Variants in CCDC124 observed in about 807,000 individuals in gnomAD.
The protein encoded by CCDC124 is coiled-coil domain containing 124.
Under a neutral mutation model 19.8 loss-of-function variants are expected in CCDC124, and 9 were observed. The observed-to-expected ratio is 0.45, with a 90% CI of 0.27 to 0.79. The LOEUF (loss-of-function observed/expected upper bound fraction) is 0.79, where lower values mean the gene tolerates loss of function less well. Ranked by LOEUF, CCDC124 falls within the 30% of genes least tolerant of loss-of-function variation. The pLI, the probability that CCDC124 is intolerant of heterozygous loss-of-function variation, is 0.14. For missense variants in CCDC124, 285 were observed against 319.0 expected, an observed-to-expected ratio of 0.89 and a Z score of 0.81; for synonymous variants, 126 against 131.3, an observed-to-expected ratio of 0.96 and a Z score of 0.27.
At chr19:17,933,289 C>A (rs1335779676) in intron 1 of CCDC124, among the ~76,000 whole-genome samples, 1 of 152,216 alleles carries the variant, frequency 6.6e-6, no homozygotes, top group Admixed American at 6.5e-5. Context: ...TGCCCCTAGG[C>A]AGCTTCTGGT....
In CCDC124 at chr19:17,942,934, A is replaced by G; in HGVS notation, c.349+89A>G. 2.1e-6 allele frequency: 3 copies of G among 1,415,842 alleles called. No individual in the cohort carries two copies. The highest frequency in any genetic ancestry group is 2.8e-6 in the Non-Finnish European group (3 of 1,073,652). 87.7% of individuals were successfully genotyped at this position (1,415,842 alleles called of 1,614,324 possible). On this transcript the variant is annotated intron_variant, in intron 3 of 4. Transcript: ENST00000445755. This position sits in a 1 kb window ranked among gnomAD's most constrained non-coding sequence, Gnocchi z 4.2. ...CCATTAGCCCCCTCCTGGCCCCCAGAGAAGCTGCCGGGGCTCCACGTGGTG... is the reference window on the plus strand; with the variant it reads ...CCATTAGCCCCCTCCTGGCCCCCAGGGAAGCTGCCGGGGCTCCACGTGGTG...
Position 17,942,534 on chromosome 19 carries a change from G to GT in CCDC124, c.160-121dup, listed in dbSNP as rs2031206215. On this transcript the variant is annotated intron_variant, in intron 2 of 4. Transcript: ENST00000445755. The surrounding 1 kb of genome is among the most constrained non-coding windows in gnomAD (Gnocchi z 4.2). ...CCGGGACCTATCTTGTTCCTGGTAT[G>GT]TCCCCTGCACCCAGCACAGAGCCTA... 8.9e-7 allele frequency: 1 copy of GT among 1,123,386 alleles called. No homozygotes were observed. The highest frequency in any genetic ancestry group is 1.6e-5 in the South Asian group (1 of 63,044). 69.6% of individuals were successfully genotyped at this position (1,123,386 alleles called of 1,614,324 possible). A position where few individuals can be genotyped will look rare whatever the true frequency, so the allele number is the denominator to read the frequency against.
Position 17,936,448 on chromosome 19 carries a change from A to AC in CCDC124, c.30dup (p.Lys11GlnfsTer9). The AC allele has an allele frequency of 6.2e-7, 1 of 1,613,466 alleles. No individual in the cohort carries two copies. Among genetic ancestry groups the AC allele is most frequent in the South Asian group, 1.1e-5 (1 of 91,010 alleles). ...GCCCAAGAAGTTCCAGGGTGAGAAC[A>AC]CCAAGTCGGCAGCGGCCCGGGCACG... On this transcript the variant is annotated frameshift_variant, in exon 2 of 5. Transcript: ENST00000445755. LOFTEE classifies it high-confidence loss of function.
Position 17,943,819 on chromosome 19 carries a change from C to A in CCDC124, c.*104C>A. ...GAGGGTCACAGAGCGTTCCGGGGGCCAAGGCGCCGGGCCCCGGGGCCATGC... is the reference window on the plus strand; with the variant it reads ...GAGGGTCACAGAGCGTTCCGGGGGCAAAGGCGCCGGGCCCCGGGGCCATGC... On this transcript the variant is annotated 3_prime_UTR_variant, in exon 5 of 5. Coordinates refer to ENST00000445755, the MANE Select transcript of CCDC124 (RefSeq NM_001136203.2). 1.7e-6 allele frequency: 2 copies of A among 1,195,910 alleles called. No individual in the cohort carries two copies. Among genetic ancestry groups the A allele is most frequent in the South Asian group, 1.4e-5 (1 of 72,006 alleles). The allele number at this position is 1,195,910 out of a possible 1,614,324, so 74.1% of individuals were successfully genotyped here.
At chr19:17,936,179 A>G in intron 1 of CCDC124, 1 of 425,150 alleles carries the variant, frequency 2.4e-6, no homozygotes, top group South Asian at 4.7e-5. Context: ...TGCTGGGATT[A>G]CGGGTGTGAG....
chr19:17,941,012 A>T (rs1181336733), intron 2 of CCDC124, among the ~76,000 whole-genome samples: 1 of 151,962 alleles, frequency 6.6e-6, no homozygotes, highest in African/African-American at 2.4e-5. Flanking sequence ...GCGCCACTGC[A>T]CTCCATCCTG....
Position 17,936,266 on chromosome 19 carries a change from C to T in CCDC124, c.-11-144C>T, listed in dbSNP as rs570471490. The T allele has an allele frequency of 5.3e-5, 35 of 655,534 alleles. No homozygotes were observed. The South Asian group carries it at 6.4e-4, about 12-fold the overall frequency. 40.6% of individuals were successfully genotyped at this position (655,534 alleles called of 1,614,324 possible). A position where few individuals can be genotyped will look rare whatever the true frequency, so the allele number is the denominator to read the frequency against. On this transcript the variant is annotated intron_variant, in intron 1 of 4. Coordinates refer to ENST00000445755, the MANE Select transcript of CCDC124 (RefSeq NM_001136203.2). ...CCTTAATAAACTTTTACAAGGAGAG[C>T]GCTAAGTCCAAAGCCCTTGTTTTAT...
intron 3 of CCDC124, 105 bp from the exon 4 acceptor site, chr19:17,943,156 C>T: frequency 2.0e-6 from 2 of 979,476 alleles, no homozygotes; most frequent in Non-Finnish European, 3.1e-6. Context: ...TCTCTCCCGC[C>T]TTCCTCCCGC....
chr19:17,936,993 A>T (rs2031081496), intron 2 of CCDC124: 1 of 152,186 alleles, frequency 6.6e-6, no homozygotes, highest in Non-Finnish European at 1.4e-5. Flanking sequence ...AAAAAAAAAA[A>T]AAAGAGGCTG....
chr19:17,943,481 C>G lies in CCDC124; in HGVS notation c.465-27C>G, dbSNP rs778858953. 1.1e-5 allele frequency: 18 copies of G among 1,602,848 alleles called. No homozygotes were observed. The South Asian group carries it at 1.4e-4, about 13-fold the overall frequency. On this transcript the variant is annotated intron_variant, in intron 4 of 4. Coordinates refer to ENST00000445755, the MANE Select transcript of CCDC124 (RefSeq NM_001136203.2). The stretch of plus-strand genomic sequence containing the variant: ...TTTCGGGGCAAGGCTGCGCCCAAGG[C>G]CCCCTGACGCTCATGTCCACCCCCA...
At chr19:17,937,923 G>A (rs2031099549) in intron 2 of CCDC124, among the ~76,000 whole-genome samples, 1 of 152,136 alleles carries the variant, frequency 6.6e-6, no homozygotes, top group Non-Finnish European at 1.5e-5. Flanking sequence ...AGTAGAGATG[G>A]GGTTTCTCCA....
chr19:17,937,205 C>G (rs1003063514), intron 2 of CCDC124, among the ~76,000 whole-genome samples: 1 of 151,888 alleles, frequency 6.6e-6, no homozygotes, highest in Non-Finnish European at 1.5e-5. Context: ...TGCTTGAACC[C>G]AGGAGGCGGA....
At chr19:17,937,279 T>A (rs1367425171) in intron 2 of CCDC124, among the ~76,000 whole-genome samples, 1 of 152,074 alleles carries the variant, frequency 6.6e-6, no homozygotes, top group Non-Finnish European at 1.5e-5. Context: ...AGACACTGTC[T>A]CGGAAAACAA....
Position 17,943,589 on chromosome 19 carries a change from G to A in CCDC124, c.546G>A (p.Pro182=). ...CAGCCTTTGAGGAAGCCCAGCTGCC[G>A]CGGCTCAAACAAGAGAACCCCAACA... The part of the protein sequence containing the change: ...AFTAFEEAQL[P]RLKQENPNMR... Residue 182 remains proline, a synonymous_variant, in exon 5 of 5, where the codon CCG becomes CCA. Coordinates refer to ENST00000445755, the MANE Select transcript of CCDC124 (RefSeq NM_001136203.2). The A allele has an allele frequency of 6.2e-7, 1 of 1,612,916 alleles. No homozygotes were observed. Among genetic ancestry groups the A allele is most frequent in the African/African-American group, 1.3e-5 (1 of 75,038 alleles).
At chr19:17,943,199 T>C in intron 3 of CCDC124, 62 bp from the exon 4 acceptor site, 1 of 1,317,538 alleles carries the variant, frequency 7.6e-7, no homozygotes, top group Non-Finnish European at 1.1e-6. Flanking sequence ...CTATCTCATC[T>C]CCTTGGAACT....
chr19:17,937,243 T>C (rs2031086126), intron 2 of CCDC124, among the ~76,000 whole-genome samples: 1 of 150,782 alleles, frequency 6.6e-6, no homozygotes, highest in Non-Finnish European at 1.5e-5. Context: ...ATTGTGCCGT[T>C]GCACTCCAAC....
At chr19:17,937,446 G>C (rs2031090210) in intron 2 of CCDC124, among the ~76,000 whole-genome samples, 2 of 152,156 alleles carry the variant, frequency 1.3e-5, no homozygotes, top group Admixed American at 1.3e-4. Flanking sequence ...AGTAATGTCA[G>C]GGTTGGGCTA....
At chr19:17,940,867 G>A (rs1436834419) in intron 2 of CCDC124, among the ~76,000 whole-genome samples, 1 of 151,106 alleles carries the variant, frequency 6.6e-6, no homozygotes, top group Non-Finnish European at 1.5e-5. Flanking sequence ...CTAACACGGT[G>A]AAACCCCATC....
In CCDC124 at chr19:17,943,241, T is replaced by TCTGGGCCCC; in HGVS notation, c.350-19_350-18insTGGGCCCCC. On this transcript the variant is annotated intron_variant, in intron 3 of 4. Transcript: ENST00000445755. ...CTTTGCTTATCTCTCTCTGTCTCTG[T>TCTGGGCCCC]CACCCACCCACCCGCCCAGCCGAGA... 36 of 736,608 alleles carry TCTGGGCCCC rather than the reference T, an allele frequency of 4.9e-5. No homozygotes were observed. Among genetic ancestry groups the TCTGGGCCCC allele is most frequent in the East Asian group, 8.1e-5 (3 of 37,080 alleles). The allele number at this position is 736,608 out of a possible 1,614,324, so 45.6% of individuals were successfully genotyped here.
Sources: gnomAD v4.1 joint callset for allele counts (sites outside exome capture counted in the v4.1 genomes callset) on GRCh38, gnomAD v4.1.1 for gene constraint, Gnocchi (gnomAD v3.1) non-coding constraint, MANE v1.5 for transcripts, NCBI Gene and HGNC (gene_info 2026-07-23, HGNC 2026-07-21) for gene names.